TTLL11: variants seen among roughly 807,000 people sequenced by gnomAD.
The protein encoded by TTLL11 is tubulin polyglutamylase TTLL11.
A neutral mutation model predicts 51.7 loss-of-function variants in TTLL11; 42 were observed. That is an observed-to-expected ratio of 0.81 (90% CI 0.64 to 1.05). TTLL11 has a LOEUF of 1.05. Ranked by LOEUF, TTLL11 falls within the 50% of genes least tolerant of loss-of-function variation. TTLL11 has a pLI of 0.00. For synonymous variants in TTLL11, 381 were observed against 383.5 expected (o/e 0.99, Z 0.08); for missense variants, 799 against 940.4 (o/e 0.85, Z 1.97).
chr9:121,857,750 G>A lies in TTLL11; in HGVS notation c.1840+2587C>T, dbSNP rs185873933. Reference sequence around the variant, plus strand: ...CTGGCAGACCCCAGAAAACCTCACCGGAGCTTGAATTGCGGACAGCCCCCG... The same window carrying A: ...CTGGCAGACCCCAGAAAACCTCACCAGAGCTTGAATTGCGGACAGCCCCCG... On this transcript the variant is annotated intron_variant, in intron 8 of 8. Coordinates refer to ENST00000321582, the MANE Select transcript of TTLL11 (RefSeq NM_001139442.2). Among the ~76,000 whole-genome samples the A allele has an allele frequency of 1.6e-4, 25 of 152,274 alleles. No individual in the cohort carries two copies. The South Asian group carries it at 1.9e-3, about 11-fold the overall frequency.
chr9:121,885,885 C>T (rs1271480630), intron 6 of TTLL11, among the ~76,000 whole-genome samples: 3 of 152,182 alleles, frequency 2.0e-5, no homozygotes, highest in East Asian at 1.9e-4. Context: ...CAGTTCACCA[C>T]TCCTGCCTAG....
chr9:122,093,202 C>T lies in TTLL11; in HGVS notation c.-54G>A, dbSNP rs1391970047. On this transcript the variant is annotated 5_prime_UTR_variant, in exon 1 of 9. Coordinates refer to ENST00000321582, the MANE Select transcript of TTLL11 (RefSeq NM_001139442.2). ...GCCACCGCCGCCGCCGCCGCCGCTC[C>T]GCCGCCCCAGTCCGCCACCAAACTG... 4.7e-6 allele frequency: 7 copies of T among 1,490,858 alleles called. No homozygotes were observed. In the African/African-American group the frequency reaches 7.3e-5, roughly 16 times the overall value. The allele number at this position is 1,490,858 out of a possible 1,614,324, so 92.4% of individuals were successfully genotyped here.
chr9:122,006,989 A>AAAC (rs1843669480), intron 3 of TTLL11, among the ~76,000 whole-genome samples: 2 of 138,382 alleles, frequency 1.4e-5, no homozygotes, highest in Admixed American at 1.4e-4. Flanking sequence ...GTCAAAAAAA[A>AAAC]AAAAAAAAAA....
intron 3 of TTLL11, among the ~76,000 whole-genome samples, chr9:122,020,611 G>A (rs982046143): frequency 1.3e-5 from 2 of 152,244 alleles, no homozygotes; most frequent in African/African-American, 4.8e-5. Context: ...CTATATGCTT[G>A]TGTTCCCACC....
At chr9:121,963,289 G>A (rs1016748147) in intron 6 of TTLL11, among the ~76,000 whole-genome samples, 6 of 152,162 alleles carry the variant, frequency 3.9e-5, no homozygotes, top group African/African-American at 7.2e-5. Context: ...TGAAGAAACT[G>A]AACTCCAGAA....
rs79339813 is a variant in TTLL11, at chr9:122,029,059, G to C, written c.693+2664C>G. On this transcript the variant is annotated intron_variant, in intron 3 of 8. Coordinates refer to ENST00000321582, the MANE Select transcript of TTLL11 (RefSeq NM_001139442.2). ...AATTTGTTTTAAGATTTAAAAATCA[G>C]TGATCTTAGTTTTGTAGCACAGTGC... Among the ~76,000 whole-genome samples, 123 of 152,292 alleles carry C rather than the reference G, an allele frequency of 8.1e-4. 2 individuals are homozygous for C. Among genetic ancestry groups the C allele is most frequent in the African/African-American group, 2.9e-3 (122 of 41,548 alleles).
intron 6 of TTLL11, chr9:121,963,500 C>T (rs996071669): frequency 6.6e-6 from 1 of 152,162 alleles, no homozygotes; most frequent in Non-Finnish European, 1.5e-5. Flanking sequence ...TTGGAAGGGC[C>T]CACAAAGAAT....
chr9:122,007,375 T>C (rs1169159166), intron 3 of TTLL11, among the ~76,000 whole-genome samples: 1 of 150,574 alleles, frequency 6.6e-6, no homozygotes, highest in African/African-American at 2.5e-5. Context: ...TGTAGGAGGC[T>C]GAGGCAGGAG....
intron 8 of TTLL11, among the ~76,000 whole-genome samples, chr9:121,858,798 G>A (rs1464547004): frequency 2.0e-5 from 3 of 152,228 alleles, no homozygotes; most frequent in African/African-American, 7.2e-5. Context: ...TGAGGAACTG[G>A]AGATAAGGAG....
chr9:121,966,309 G>A (rs542278311), intron 6 of TTLL11, among the ~76,000 whole-genome samples: 15 of 152,246 alleles, frequency 9.9e-5, no homozygotes, highest in Non-Finnish European at 1.9e-4. Context: ...CAGGCATTGC[G>A]TGGCATCATG....
intron 3 of TTLL11, among the ~76,000 whole-genome samples, chr9:122,021,521 G>A (rs117058982): frequency 6.6e-5 from 10 of 152,248 alleles, no homozygotes; most frequent in Non-Finnish European, 1.3e-4. Context: ...CAGGAGTAGT[G>A]TCTTTCTCAC....
intron 8 of TTLL11, among the ~76,000 whole-genome samples, chr9:121,843,863 G>A (rs536889676): frequency 6.6e-6 from 1 of 152,112 alleles, no homozygotes; most frequent in African/African-American, 2.4e-5. Context: ...TGTAGAGACA[G>A]GTGTCTCACT....
intron 6 of TTLL11, among the ~76,000 whole-genome samples, chr9:121,958,011 T>C (rs1842076267): frequency 6.6e-6 from 1 of 152,244 alleles, no homozygotes; most frequent in African/African-American, 2.4e-5. Flanking sequence ...GCGTATGTCA[T>C]GTACCTAGTA....
rs546900340 is a variant in TTLL11 at position 121,873,582 on chromosome 9, G to A, written c.1482-2834C>T. ...CTGCCTCAGCCTTCCAAAGTGCTGC[G>A]ATTACAGGCATGAGCCACCGTGCCC... is the stretch of plus-strand genomic sequence containing the variant. On this transcript the variant is annotated intron_variant, in intron 6 of 8. Coordinates refer to ENST00000321582, the MANE Select transcript of TTLL11 (RefSeq NM_001139442.2). Among the ~76,000 whole-genome samples, 13 of 151,552 alleles carry A rather than the reference G, an allele frequency of 8.6e-5. No individual in the cohort carries two copies. In the South Asian group the frequency reaches 1.3e-3, roughly 15 times the overall value.
In TTLL11 at chr9:121,870,720, C is replaced by T. The variant is rs1193316852; in HGVS notation, c.1510G>A (p.Gly504Arg). 4 of 1,549,174 alleles carry T rather than the reference C, an allele frequency of 2.6e-6. No individual in the cohort carries two copies. The highest frequency in any genetic ancestry group is 1.2e-5 in the South Asian group (1 of 83,896). Residue 504 changes from glycine to arginine, a missense_variant, in exon 7 of 9, where the codon GGA (glycine) becomes AGA (arginine). Physicochemically the swap from Gly to Arg is moderately radical, Grantham distance 125 (BLOSUM62 -2). This residue lies in a region of TTLL11 where 468 missense variants were observed against 612.8 expected (regional missense o/e 0.76). Coordinates refer to ENST00000321582, the MANE Select transcript of TTLL11 (RefSeq NM_001139442.2). ...QSQQLEKPFA[G>R]KEDALDGELT... ...TCGCCGTCCAAAGCATCTTCCTTTC[C>T]AGCGAATGGTTTTTCAAGCTGCTGA... is the stretch of plus-strand genomic sequence containing the variant.
chr9:122,033,195 C>T (rs1050625117), intron 2 of TTLL11, among the ~76,000 whole-genome samples: 5 of 152,238 alleles, frequency 3.3e-5, no homozygotes, highest in South Asian at 2.1e-4. Flanking sequence ...TTACTGCAAC[C>T]GCCGCCTCCT....
intron 1 of TTLL11, among the ~76,000 whole-genome samples, chr9:122,061,204 G>A (rs564959396): frequency 1.4e-4 from 22 of 152,268 alleles, no homozygotes; most frequent in Admixed American, 5.2e-4. Flanking sequence ...CTTGTCATTG[G>A]ATTTAGGACC....
chr9:122,019,200 A>G (rs1033031180), intron 3 of TTLL11, among the ~76,000 whole-genome samples: 1 of 152,128 alleles, frequency 6.6e-6, no homozygotes, highest in Non-Finnish European at 1.5e-5. Context: ...TACAACCTTC[A>G]GCATCTCTTC....
intron 4 of TTLL11, among the ~76,000 whole-genome samples, chr9:121,979,125 C>T (rs1389174898): frequency 1.3e-5 from 2 of 152,226 alleles, no homozygotes; most frequent in Non-Finnish European, 2.9e-5. Flanking sequence ...TGCTCACTCA[C>T]TCGGAGGGAG....
Sources: gnomAD v4.1 joint callset for allele counts (sites outside exome capture counted in the v4.1 genomes callset) on GRCh38, gnomAD v4.1.1 for gene constraint, gnomAD v4.1.1 regional missense constraint, MANE v1.5 for transcripts, NCBI Gene and HGNC (gene_info 2026-07-23, HGNC 2026-07-21) for gene names.